Variants in KRT71 observed in about 807,000 individuals in gnomAD.
KRT71 encodes the protein keratin, type II cytoskeletal 71.
In KRT71, 42 loss-of-function variants were observed where a neutral mutation model predicts 46.2. The observed-to-expected ratio is 0.91, with a 90% confidence interval of 0.71 to 1.18. The LOEUF (loss-of-function observed/expected upper bound fraction) is 1.18. KRT71 is among the 50% of genes most tolerant of loss of function. The pLI is 0.00. For missense variants in KRT71, 708 were observed against 677.9 expected (o/e 1.04, Z -0.49); for synonymous variants, 292 against 277.8 (o/e 1.05, Z -0.51).
chr12:52,549,736 C>T (rs1939130168), intron 2 of KRT71, among the ~76,000 whole-genome samples: 1 of 152,198 alleles, frequency 6.6e-6, no homozygotes, highest in Non-Finnish European at 1.5e-5. Context: ...ACTTAACCCT[C>T]CTCTTACATG....
intron 6 of KRT71, among the ~76,000 whole-genome samples, chr12:52,546,766 C>T (rs1043214278): frequency 7.2e-5 from 11 of 152,216 alleles, no homozygotes; most frequent in African/African-American, 2.4e-4. Context: ...AGCATAGAGA[C>T]ATTTATTCAG....
At position 52,552,792 on chromosome 12, in the gene KRT71, C is replaced by G. The variant is rs147292343; in HGVS notation, c.286G>C (p.Val96Leu). The change falls in exon 1 of 9, where the codon GTA (valine) becomes CTA (leucine). Residue 96 changes from valine to leucine, a missense_variant. Transcript: ENST00000267119. ...SVALGPVCPTVCPPGGIHQVT... is the reference protein window; with the variant it reads ...SVALGPVCPTLCPPGGIHQVT... ...TGGTGGATGCCTCCAGGTGGGCATACAGTTGGGCACACAGGCCCCAGGGCC... is the reference window on the plus strand; with the variant it reads ...TGGTGGATGCCTCCAGGTGGGCATAGAGTTGGGCACACAGGCCCCAGGGCC... 1.5e-5 allele frequency: 25 copies of G among 1,614,090 alleles called. No homozygotes were observed. The highest frequency in any genetic ancestry group is 2.0e-5 in the Non-Finnish European group (24 of 1,180,030).
rs373813388 is a variant in KRT71 at position 52,546,529 on chromosome 12, C to T, written c.1105-23G>A. 55 of 1,606,854 alleles carry T rather than the reference C, an allele frequency of 3.4e-5. No homozygotes were observed. The Admixed American group carries it at 5.7e-4, about 17-fold the overall frequency. On this transcript the variant is annotated intron_variant, in intron 6 of 8. Transcript: ENST00000267119. ...AGCCTAAGGAAGGAATTGGTGAAGT[C>T]GAAAAATTTGGAGGAGCCACTGCAA...
At chr12:52,545,679 C>T (rs1424668442) in intron 7 of KRT71, 80 bp from the exon 8 acceptor site, 3 of 890,026 alleles carry the variant, frequency 3.4e-6, no homozygotes, top group Admixed American at 2.3e-5. Flanking sequence ...CACCATCAGC[C>T]TTATGTGGGT....
chr12:52,552,949 A>T lies in KRT71; in HGVS notation c.129T>A (p.Phe43Leu), dbSNP rs1344973525. 6.2e-7 allele frequency: 1 copy of T among 1,614,012 alleles called. No individual in the cohort carries two copies. Among genetic ancestry groups the T allele is most frequent in the South Asian group, 1.1e-5 (1 of 91,086 alleles). The change falls in exon 1 of 9, where the codon TTT becomes TTA. Residue 43 changes from phenylalanine to leucine, a missense_variant. Transcript: ENST00000267119. The part of the protein sequence containing the change: ...RAGSKGLSGG[F>L]GSRSLYSLGG... Reference sequence around the variant, plus strand: ...CCAGGCTGTAGAGGCTCCGGCTGCCAAAGCCCCCACTGAGCCCTTTGCTCC... The same window carrying T: ...CCAGGCTGTAGAGGCTCCGGCTGCCTAAGCCCCCACTGAGCCCTTTGCTCC...
At chr12:52,547,823 A>G (rs758952284) in intron 6 of KRT71, 34 bp downstream of exon 6, 2 of 1,611,022 alleles carry the variant, frequency 1.2e-6, no homozygotes, top group South Asian at 2.2e-5. Context: ...GCTCCCCTGC[A>G]CTTGACCACA....
At chr12:52,545,522 C>A in intron 8 of KRT71, 43 bp downstream of exon 8, 1 of 1,306,248 alleles carries the variant, frequency 7.7e-7, no homozygotes, top group Non-Finnish European at 1.1e-6. Flanking sequence ...CCTTTCCAGG[C>A]TGCAGATTTT....
Position 52,550,183 on chromosome 12 carries a change from G to A in KRT71, c.502C>T (p.Leu168=), listed in dbSNP as rs1248390507. 9 of 1,614,082 alleles carry A rather than the reference G, an allele frequency of 5.6e-6. No individual in the cohort carries two copies. The African/African-American group carries it at 1.1e-4, about 19-fold the overall frequency. Residue 168 remains leucine, a synonymous_variant, in exon 2 of 9, where the codon CTG becomes TTG. Coordinates refer to ENST00000267119, the MANE Select transcript of KRT71 (RefSeq NM_033448.3). ...LETKWELLQQ[L]DLNNCKNNLE... is the part of the protein sequence containing the mutation. ...TTGTTCTTGCAGTTGTTCAGGTCCA[G>A]CTGCTGCAGCAGCTCCCACTTGGTC... is the stretch of plus-strand genomic sequence containing the variant.
At chr12:52,549,781 C>T (rs1425247546) in intron 2 of KRT71, among the ~76,000 whole-genome samples, 2 of 152,194 alleles carry the variant, frequency 1.3e-5, no homozygotes, top group Non-Finnish European at 2.9e-5. Flanking sequence ...CAAACATTCC[C>T]TAAACCCAGA....
At chr12:52,547,506 A>G (rs922764363) in intron 6 of KRT71, among the ~76,000 whole-genome samples, 9 of 152,228 alleles carry the variant, frequency 5.9e-5, no homozygotes, top group Non-Finnish European at 8.8e-5. Context: ...CAGGGTACAA[A>G]GCAGCCAGCT....
At position 52,547,940 on chromosome 12, in the gene KRT71, G is replaced by T; in HGVS notation, c.1021C>A (p.Leu341Ile). The change falls in exon 6 of 9, where the codon CTC becomes ATC. Residue 341 changes from leucine to isoleucine, a missense_variant. Physicochemically the swap from Leu to Ile is conservative, Grantham distance 5 (BLOSUM62 2). Coordinates refer to ENST00000267119, the MANE Select transcript of KRT71 (RefSeq NM_033448.3). ...GAGATTTCATTCTTGGTGTTTTTGA[G>T]GTCGTCCCCATGCCTGCCAGCTGCC... ...QLAAGRHGDD[L>I]KNTKNEISEL... 1 of 1,614,190 alleles carries T rather than the reference G, an allele frequency of 6.2e-7. No homozygotes were observed. The highest frequency in any genetic ancestry group is 8.5e-7 in the Non-Finnish European group (1 of 1,180,044).
chr12:52,548,929 G>A (rs1939109795), intron 3 of KRT71, 133 bp from the exon 4 acceptor site: 10 of 786,890 alleles, frequency 1.3e-5, no homozygotes, highest in Non-Finnish European at 2.1e-5. Flanking sequence ...AGGAGACAAA[G>A]GAGCAAAGGC....
In KRT71 at chr12:52,544,108, C is replaced by T. The variant is rs555783297; in HGVS notation, c.*424G>A. ...GGGCCACTCTTGGTTGTTTGTCCTT[C>T]AGTCCTCCTTTTCTTAAACACAGAG... On this transcript the variant is annotated 3_prime_UTR_variant, in exon 9 of 9. Transcript: ENST00000267119. The T allele has an allele frequency of 8.2e-5, 16 of 195,384 alleles. 1 individual carries two copies. In the South Asian group the frequency reaches 1.8e-3, roughly 22 times the overall value. The allele number at this position is 195,384 out of a possible 1,614,324, so 12.1% of individuals were successfully genotyped here.
Position 52,553,035 on chromosome 12 carries a change from C to T in KRT71, c.43G>A (p.Gly15Arg). 6.3e-7 allele frequency: 1 copy of T among 1,599,766 alleles called. No individual in the cohort carries two copies. The highest frequency in any genetic ancestry group is 8.5e-7 in the Non-Finnish European group (1 of 1,171,574). Residue 15 changes from glycine to arginine, a missense_variant, in exon 1 of 9, where the codon GGG becomes AGG. Transcript: ENST00000267119. ...FTCKSGAAAK[G>R]GFSGCSAVLS... ...ACAGCTGAGCAGCCACTGAAGCCCC[C>T]CTTGGCGGCAGCTCCCGACTTGCAG...
In KRT71 at chr12:52,544,413, C is replaced by T. The variant is rs535679247; in HGVS notation, c.*119G>A. ...GAGAAGTGGGTGGCCAAGGCCAGTG[C>T]CAGGTGTATGGGAGCAGGACCAGCA... On this transcript the variant is annotated 3_prime_UTR_variant, in exon 9 of 9. Transcript: ENST00000267119. 8 of 957,304 alleles carry T rather than the reference C, an allele frequency of 8.4e-6. No homozygotes were observed. Among genetic ancestry groups the T allele is most frequent in the Non-Finnish European group, 1.3e-5 (8 of 602,286 alleles). The allele number at this position is 957,304 out of a possible 1,614,324, so 59.3% of individuals were successfully genotyped here. A position where few individuals can be genotyped will look rare whatever the true frequency, so the allele number is the denominator to read the frequency against.
intron 1 of KRT71, among the ~76,000 whole-genome samples, chr12:52,551,574 C>T (rs558582966): frequency 2.6e-5 from 4 of 152,358 alleles, no homozygotes; most frequent in African/African-American, 4.8e-5. Flanking sequence ...GCTGCAGGAG[C>T]TGGCTAAGCT....
At chr12:52,548,599 G>C (rs2120570842) in intron 4 of KRT71, 102 bp downstream of exon 4, 1 of 1,016,774 alleles carries the variant, frequency 9.8e-7, no homozygotes, top group East Asian at 2.4e-5. Context: ...CTAACTGAGG[G>C]GTCTCACTGA....
At chr12:52,546,256 G>A (rs1355741091) in intron 7 of KRT71, 30 bp downstream of exon 7, 1 of 1,611,934 alleles carries the variant, frequency 6.2e-7, no homozygotes, top group Admixed American at 1.7e-5. Context: ...AAACCCCTGG[G>A]GCCCTCCTGT....
chr12:52,552,809 C>A lies in KRT71; in HGVS notation c.269G>T (p.Gly90Val), dbSNP rs899017189. Residue 90 changes from glycine (G) to valine (V), a missense_variant, in exon 1 of 9, where the codon GGG (glycine) becomes GTG (valine). By Grantham distance (109) the Gly-to-Val change is moderately radical (BLOSUM62 -3). Coordinates refer to ENST00000267119, the MANE Select transcript of KRT71 (RefSeq NM_033448.3). Reference sequence around the variant, plus strand: ...TGGGCATACAGTTGGGCACACAGGCCCCAGGGCCACACTGCCAAACATGCT... The same window carrying A: ...TGGGCATACAGTTGGGCACACAGGCACCAGGGCCACACTGCCAAACATGCT... ...AGSMFGSVAL[G>V]PVCPTVCPPG... is the part of the protein sequence containing the mutation. 6.2e-7 allele frequency: 1 copy of A among 1,614,112 alleles called. No individual in the cohort carries two copies. Among genetic ancestry groups the A allele is most frequent in the Non-Finnish European group, 8.5e-7 (1 of 1,180,050 alleles).
Sources: gnomAD v4.1 joint callset for allele counts (sites outside exome capture counted in the v4.1 genomes callset) on GRCh38, gnomAD v4.1.1 for gene constraint, MANE v1.5 for transcripts, NCBI Gene and HGNC (gene_info 2026-07-23, HGNC 2026-07-21) for gene names.